Variants in APOBR observed in about 807,000 individuals in gnomAD.
APOBR encodes the protein apolipoprotein B receptor.
In APOBR, 57 loss-of-function variants were observed where a neutral mutation model predicts 88.5. That is an observed-to-expected ratio of 0.64 (90% CI 0.52 to 0.80). APOBR has a LOEUF of 0.80. APOBR is among the 30% of genes least tolerant of loss of function. The pLI, the probability that APOBR is intolerant of heterozygous loss-of-function variation, is 0.00. For synonymous variants in APOBR, 588 were observed against 572.7 expected, an observed-to-expected ratio of 1.03 and a Z score of -0.38; for missense variants, 1,443 against 1,401.6, an observed-to-expected ratio of 1.03 and a Z score of -0.47.
Position 28,497,449 on chromosome 16 carries a change from A to G in APOBR, c.2408A>G (p.His803Arg). The change falls in exon 2 of 4, where the codon CAT becomes CGT. Residue 803 changes from histidine (H) to arginine (R), a missense_variant. His to Arg is a conservative substitution (Grantham distance 29). Transcript: ENST00000564831. ...AAGGAAGAGGCAGCAGCAGGAGAGC[A>G]TGCAGGTGGGCAAGAATTTGGTCTG... ...KEKEEAAAGE[H>R]AGGQEFGLEG... 6.2e-7 allele frequency: 1 copy of G among 1,613,980 alleles called. No individual in the cohort carries two copies. The highest frequency in any genetic ancestry group is 8.5e-7 in the Non-Finnish European group (1 of 1,179,884).
At position 28,496,485 on chromosome 16, in the gene APOBR, C is replaced by A; in HGVS notation, c.1444C>A (p.Arg482=). The A allele has an allele frequency of 6.2e-7, 1 of 1,603,986 alleles. No homozygotes were observed. The highest frequency in any genetic ancestry group is 8.5e-7 in the Non-Finnish European group (1 of 1,175,196). ...MRQDLGIRAD[R]ARMEELVQAE... ...GCAGGACTTGGGGATCAGGGCCGAC[C>A]GGGCCAGGATGGAAGAGCTGGTACA... The change falls in exon 2 of 4, where the codon CGG becomes AGG. Residue 482 remains arginine, a synonymous_variant. Coordinates refer to ENST00000564831, the MANE Select transcript of APOBR (RefSeq NM_018690.4).
Position 28,496,268 on chromosome 16 carries a change from A to G in APOBR, c.1227A>G (p.Leu409=). Residue 409 remains leucine (L), a synonymous_variant, in exon 2 of 4, where the codon CTA becomes CTG. Coordinates refer to ENST00000564831, the MANE Select transcript of APOBR (RefSeq NM_018690.4). ...LLEATGKVWV[L]EEEGDEEREA... Reference sequence around the variant, plus strand: ...AGGCTACTGGAAAAGTCTGGGTCCTAGAGGAGGAGGGGGATGAGGAGAGAG... The same window carrying G: ...AGGCTACTGGAAAAGTCTGGGTCCTGGAGGAGGAGGGGGATGAGGAGAGAG... 6.2e-7 allele frequency: 1 copy of G among 1,603,988 alleles called. No individual in the cohort carries two copies. The highest frequency in any genetic ancestry group is 8.5e-7 in the Non-Finnish European group (1 of 1,175,414).
Position 28,497,519 on chromosome 16 carries a change from A to G in APOBR, c.2478A>G (p.Val826=), listed in dbSNP as rs771559211. 6 of 1,612,152 alleles carry G rather than the reference A, an allele frequency of 3.7e-6. No individual in the cohort carries two copies. The highest frequency in any genetic ancestry group is 5.1e-6 in the Non-Finnish European group (6 of 1,179,110). The stretch of plus-strand genomic sequence containing the variant: ...AGGTGACTGGCAGAGGCAGCCAAGT[A>G]GAGGCTTTTGAGTCCAGGGAGGGAG... ...EEEVTGRGSQ[V]EAFESREGGP... Residue 826 remains valine (V), a synonymous_variant, in exon 2 of 4, where the codon GTA becomes GTG. Transcript: ENST00000564831.
rs1403466849 is a variant in APOBR, at chr16:28,498,486, G to T, written c.3275G>T (p.Gly1092Val). The T allele has an allele frequency of 6.3e-7, 1 of 1,599,476 alleles. No individual in the cohort carries two copies. The highest frequency in any genetic ancestry group is 2.3e-5 in the East Asian group (1 of 44,206). ...ATGCAGGAGCTGCAAGCCCGTCTGG[G>T]CCGGCCTAAGCCCCAGTGACTGAGA... is the stretch of plus-strand genomic sequence containing the variant. ...GMMQELQARL[G>V]RPKPQ The change falls in exon 4 of 4, where the codon GGC (glycine) becomes GTC (valine). Residue 1092 changes from glycine to valine, a missense_variant. By Grantham distance (109) the Gly-to-Val change is moderately radical. Transcript: ENST00000564831.
At position 28,495,800 on chromosome 16, in the gene APOBR, G is replaced by A; in HGVS notation, c.759G>A (p.Val253=). Residue 253 remains valine (V), a synonymous_variant, in exon 2 of 4, where the codon GTG becomes GTA. Transcript: ENST00000564831. ...GGAAAGGAGAAGAGGTGGTAGTGGT[G>A]GAGAAGGCCTGTGAAAGCACTAGGG... ...GAGKGEEVVV[V]EKACESTRAW... is the part of the protein sequence containing the mutation. 6.3e-7 allele frequency: 1 copy of A among 1,597,258 alleles called. No individual in the cohort carries two copies. Among genetic ancestry groups the A allele is most frequent in the South Asian group, 1.1e-5 (1 of 88,430 alleles).
At position 28,498,575 on chromosome 16, in the gene APOBR, C is replaced by T; in HGVS notation, c.*70C>T. 1.3e-6 allele frequency: 2 copies of T among 1,501,796 alleles called. No homozygotes were observed. The highest frequency in any genetic ancestry group is 1.8e-6 in the Non-Finnish European group (2 of 1,114,192). The allele number at this position is 1,501,796 out of a possible 1,614,324, so 93.0% of individuals were successfully genotyped here. On this transcript the variant is annotated 3_prime_UTR_variant, in exon 4 of 4. Transcript: ENST00000564831. The stretch of plus-strand genomic sequence containing the variant: ...AAGGCTTGCTCCAATGCCACTGAGC[C>T]CTGCTCCCTCTGCCACTGTGGACAC...
In APOBR at chr16:28,496,660, C is replaced by T; in HGVS notation, c.1619C>T (p.Ala540Val). ...EELTGEESEAAQTSCGLLGVE... is the reference protein window; with the variant it reads ...EELTGEESEAVQTSCGLLGVE... Reference sequence around the variant, plus strand: ...CTCACAGGGGAGGAGAGTGAGGCGGCCCAGACTAGCTGTGGCCTACTGGGC... The same window carrying T: ...CTCACAGGGGAGGAGAGTGAGGCGGTCCAGACTAGCTGTGGCCTACTGGGC... The change falls in exon 2 of 4, where the codon GCC becomes GTC. Residue 540 changes from alanine (A) to valine (V), a missense_variant. Transcript: ENST00000564831. 6.2e-7 allele frequency: 1 copy of T among 1,603,684 alleles called. No homozygotes were observed. Among genetic ancestry groups the T allele is most frequent in the South Asian group, 1.1e-5 (1 of 89,406 alleles).
Position 28,496,752 on chromosome 16 carries a change from C to T in APOBR, c.1711C>T (p.Gln571Ter). Residue 571 changes from glutamine (Q) to a stop codon, truncating the protein, a stop_gained, in exon 2 of 4, where the codon CAG (glutamine) becomes TAG (stop). Coordinates refer to ENST00000564831, the MANE Select transcript of APOBR (RefSeq NM_018690.4). LOFTEE classifies it high-confidence loss of function. The part of the protein sequence containing the change: ...GQGPELMGGA[Q>*]TPTKQPEERE... ...AGGACCTGAGCTGATGGGGGGCGCC[C>T]AGACCCCAACTAAGCAACCCGAGGA... The T allele has an allele frequency of 6.3e-7, 1 of 1,584,730 alleles. No individual in the cohort carries two copies. The highest frequency in any genetic ancestry group is 1.8e-5 in the Admixed American group (1 of 54,428).
In APOBR at chr16:28,496,061, C is replaced by G. The variant is rs540828770; in HGVS notation, c.1020C>G (p.Ala340=). 9.0e-6 allele frequency: 14 copies of G among 1,559,152 alleles called. No homozygotes were observed. In the African/African-American group the frequency reaches 1.6e-4, roughly 18 times the overall value. The change falls in exon 2 of 4, where the codon GCC becomes GCG. Residue 340 remains alanine, a synonymous_variant. Coordinates refer to ENST00000564831, the MANE Select transcript of APOBR (RefSeq NM_018690.4). ...TASGGEEAGI[A]SGGEAGTASG... ...CGGGAGGGGAGGAGGCCGGGATAGC[C>G]TCAGGCGGGGAGGCTGGGACAGCCT...
At chr16:28,494,837 T>C in intron 1 of APOBR, 99 bp downstream of exon 1, 1 of 1,197,808 alleles carries the variant, frequency 8.3e-7, no homozygotes, top group East Asian at 2.4e-5. Flanking sequence ...CTCCTCCTTC[T>C]GATCTCCTCA....
rs1372802834 is a variant in APOBR, at chr16:28,496,225, C to T, written c.1184C>T (p.Pro395Leu). The T allele has an allele frequency of 6.3e-7, 1 of 1,598,708 alleles. No homozygotes were observed. The highest frequency in any genetic ancestry group is 1.8e-5 in the Admixed American group (1 of 57,138). Residue 395 changes from proline (P) to leucine (L), a missense_variant, in exon 2 of 4, where the codon CCA (proline) becomes CTA (leucine). Coordinates refer to ENST00000564831, the MANE Select transcript of APOBR (RefSeq NM_018690.4). Reference protein sequence around the residue: ...GVRQTEYGAVPGERLLEATGK... With the variant: ...GVRQTEYGAVLGERLLEATGK... ...AGACAGACAGAATATGGAGCAGTCC[C>T]AGGAGAAAGGCTCCTAGAGGCTACT...
rs2046410737 is a variant in APOBR at position 28,498,425 on chromosome 16, TC to T, written c.3225-9del. On this transcript the variant is annotated splice_polypyrimidine_tract_variant and intron_variant, in intron 3 of 3. Coordinates refer to ENST00000564831, the MANE Select transcript of APOBR (RefSeq NM_018690.4). ...GGAACCTGTTCTCACGGGCCTGACT[TC>T]CGCCTCCAGGTTTGGCCTCGCGCAC... 1 of 1,599,920 alleles carries T rather than the reference TC, an allele frequency of 6.3e-7. No individual in the cohort carries two copies. Among genetic ancestry groups the T allele is most frequent in the East Asian group, 2.3e-5 (1 of 44,298 alleles).
Position 28,496,846 on chromosome 16 carries a change from T to C in APOBR, c.1805T>C (p.Leu602Pro), listed in dbSNP as rs774448312. Residue 602 changes from leucine (L) to proline (P), a missense_variant, in exon 2 of 4, where the codon CTG (leucine) becomes CCG (proline). Physicochemically the swap from Leu to Pro is moderately conservative, Grantham distance 98. Transcript: ENST00000564831. ...ALSKEEQERS[L>P]EAGPRHAGSV... ...AGCAAAGAGGAGCAGGAGAGGAGCC[T>C]GGAGGCAGGTCCCAGGCACGCGGGG... 9.0e-6 allele frequency: 14 copies of C among 1,559,112 alleles called. No homozygotes were observed. The South Asian group carries it at 1.4e-4, about 16-fold the overall frequency.
chr16:28,496,758 C>T lies in APOBR; in HGVS notation c.1717C>T (p.Pro573Ser), dbSNP rs1407473809. The change falls in exon 2 of 4, where the codon CCA (proline) becomes TCA (serine). Residue 573 changes from proline to serine, a missense_variant. Transcript: ENST00000564831. ...GPELMGGAQT[P>S]TKQPEEREAG... ...TGAGCTGATGGGGGGCGCCCAGACC[C>T]CAACTAAGCAACCCGAGGAAAGGGA... 1 of 1,583,700 alleles carries T rather than the reference C, an allele frequency of 6.3e-7. No individual in the cohort carries two copies.
chr16:28,497,325 G>T lies in APOBR; in HGVS notation c.2284G>T (p.Ala762Ser). ...GGATGCACAGACTGGCTCTGTGGCTGCTGGGATTATGGGGGGTGATGTGGT... is the reference window on the plus strand; with the variant it reads ...GGATGCACAGACTGGCTCTGTGGCTTCTGGGATTATGGGGGGTGATGTGGT... ...REDAQTGSVAAGIMGGDVVPH... is the reference protein window; with the variant it reads ...REDAQTGSVASGIMGGDVVPH... Residue 762 changes from alanine (A) to serine (S), a missense_variant, in exon 2 of 4, where the codon GCT becomes TCT. Physicochemically the swap from Ala to Ser is moderately conservative, Grantham distance 99. Coordinates refer to ENST00000564831, the MANE Select transcript of APOBR (RefSeq NM_018690.4). 1 of 1,604,016 alleles carries T rather than the reference G, an allele frequency of 6.2e-7. No homozygotes were observed. Among genetic ancestry groups the T allele is most frequent in the Non-Finnish European group, 8.5e-7 (1 of 1,175,640 alleles).
rs781256543 is a variant in APOBR, at chr16:28,498,334, G to C, written c.3209G>C (p.Arg1070Thr). 1 of 1,597,806 alleles carries C rather than the reference G, an allele frequency of 6.3e-7. No individual in the cohort carries two copies. The highest frequency in any genetic ancestry group is 8.5e-7 in the Non-Finnish European group (1 of 1,170,770). Residue 1070 changes from arginine to threonine, a missense_variant, in exon 3 of 4, where the codon AGG (arginine) becomes ACG (threonine). Transcript: ENST00000564831. ...HDGTPVPARR[R>T]PLGHGFGLAH... ...GGGACCCCGGTGCCAGCCAGGAGAA[G>C]GCCCCTGGGACACGGGTAGGCACAG...
At position 28,494,694 on chromosome 16, in the gene APOBR, C is replaced by A. The variant is rs768771707; in HGVS notation, c.13C>A (p.Arg5=). The part of the protein sequence containing the change: MDFL[R]LYLPGLHQAL... Reference sequence around the variant, plus strand: ...AGAGACAGACAGGATGGACTTCCTCCGGCTATACCTCCCTGGGCTGCACCA... The same window carrying A: ...AGAGACAGACAGGATGGACTTCCTCAGGCTATACCTCCCTGGGCTGCACCA... Residue 5 remains arginine, a synonymous_variant, in exon 1 of 4, where the codon CGG becomes AGG. Transcript: ENST00000564831. 1.9e-6 allele frequency: 3 copies of A among 1,612,344 alleles called. No homozygotes were observed. The highest frequency in any genetic ancestry group is 2.2e-5 in the East Asian group (1 of 44,846).
At position 28,495,105 on chromosome 16, in the gene APOBR, C is replaced by A. The variant is rs1400904316; in HGVS notation, c.64C>A (p.Leu22Ile). The change falls in exon 2 of 4, where the codon CTC (leucine) becomes ATC (isoleucine). Residue 22 changes from leucine to isoleucine, a missense_variant. Transcript: ENST00000564831. ...HQALRGALDSLGTFVSYLLGD... is the reference protein window; with the variant it reads ...HQALRGALDSIGTFVSYLLGD... ...TCTCTCTCTTTTTTCCTAGGATTCC[C>A]TCGGCACCTTTGTCTCCTACCTCCT... 1 of 1,512,336 alleles carries A rather than the reference C, an allele frequency of 6.6e-7. No individual in the cohort carries two copies. Among genetic ancestry groups the A allele is most frequent in the Non-Finnish European group, 8.8e-7 (1 of 1,131,576 alleles). The allele number at this position is 1,512,336 out of a possible 1,614,324, so 93.7% of individuals were successfully genotyped here.
In APOBR at chr16:28,496,861, G is replaced by GA; in HGVS notation, c.1820_1821insA (p.His608AlafsTer8). ...GAGAGGAGCCTGGAGGCAGGTCCCA[G>GA]GCACGCGGGGTCTGTAAAGCCTGAG... On this transcript the variant is annotated frameshift_variant, in exon 2 of 4. Coordinates refer to ENST00000564831, the MANE Select transcript of APOBR (RefSeq NM_018690.4). LOFTEE classifies it high-confidence loss of function. 6.4e-7 allele frequency: 1 copy of GA among 1,558,892 alleles called. No individual in the cohort carries two copies. Among genetic ancestry groups the GA allele is most frequent in the Non-Finnish European group, 8.7e-7 (1 of 1,151,322 alleles).
Sources: allele counts gnomAD v4.1 joint callset, GRCh38; gene constraint gnomAD v4.1.1; transcripts MANE v1.5; gene names NCBI Gene and HGNC (gene_info 2026-07-23, HGNC 2026-07-21).